Variants in IGHMBP2 observed in about 807,000 individuals in gnomAD.
IGHMBP2 encodes DNA-binding protein SMUBP-2.
Under a neutral mutation model 96.0 loss-of-function variants are expected in IGHMBP2, and 81 were observed. That is an observed-to-expected ratio of 0.84 (90% CI 0.71 to 1.01). The LOEUF is 1.01. Ranked by LOEUF, IGHMBP2 falls within the 50% of genes least tolerant of loss-of-function variation. The probability of loss-of-function intolerance (pLI) is 0.00; values close to 1 mark genes in which losing one functional copy is unlikely to be tolerated. For synonymous variants in IGHMBP2, 557 were observed against 548.9 expected, an observed-to-expected ratio of 1.01 and a Z score of -0.21; for missense variants, 1,227 against 1,306.3, an observed-to-expected ratio of 0.94 and a Z score of 0.94.
rs139926138 is a variant in IGHMBP2, at chr11:68,939,542, C to T, written c.2793C>T (p.Gly931=). Residue 931 remains glycine, a synonymous_variant, in exon 15 of 15, where the codon GGC becomes GGT. Coordinates refer to ENST00000255078, the MANE Select transcript of IGHMBP2 (RefSeq NM_002180.3). ...TCTTGTGTCCTCCCCAGATCCATGG[C>T]TGCGGTGAGAGGGCTCGCGCCCATG... ...CLSHHLPEIH[G]CGERARAHAR... 1,210 of 1,612,036 alleles carry T rather than the reference C, an allele frequency of 7.5e-4. 18 individuals carry two copies. Among genetic ancestry groups the T allele is most frequent in the Admixed American group, 1.2e-3 (71 of 60,032 alleles).
chr11:68,912,225 G>A (rs1459066813), intron 5 of IGHMBP2, among the ~76,000 whole-genome samples: 10 of 152,114 alleles, frequency 6.6e-5, no homozygotes, highest in African/African-American at 9.7e-5. Flanking sequence ...TCCGCCTCCC[G>A]GGTTTAAGTG....
chr11:68,934,824 G>A (rs899356572), intron 11 of IGHMBP2, among the ~76,000 whole-genome samples: 2 of 152,218 alleles, frequency 1.3e-5, no homozygotes, highest in African/African-American at 4.8e-5. Flanking sequence ...GGGTGACCCC[G>A]GCAGCCTCAG....
chr11:68,932,683 T>TAGATCTCG, intron 8 of IGHMBP2: 2 of 160,060 alleles, frequency 1.2e-5, no homozygotes, highest in East Asian at 1.8e-4. Context: ...TGTTGGAGTG[T>TAGATCTCG]GTTCGTTCCC....
At chr11:68,929,709 C>T in intron 8 of IGHMBP2, 4 of 984,774 alleles carry the variant, frequency 4.1e-6, no homozygotes, top group Non-Finnish European at 4.8e-6. Context: ...GCTAACTGGC[C>T]TCTGGGTGGA....
rs757425203 is a variant in IGHMBP2, at chr11:68,934,472, C to T, written c.1546C>T (p.Arg516Cys). ...EQSKGNPGEV[R>C]LVSLHIQALV... ...TCTTTCTTTCCCTCCAGGCGAAGTC[C>T]GCCTCGTCAGTTTGCACATCCAGGC... The change falls in exon 11 of 15, where the codon CGC becomes TGC. Residue 516 changes from arginine (R) to cysteine (C), a missense_variant. Physicochemically the swap from Arg to Cys is radical, Grantham distance 180. Around this residue, in one of 3 missense-constraint regions of IGHMBP2, gnomAD observed 703 missense variants for 770.3 expected, o/e 0.91. Transcript: ENST00000255078. The T allele has an allele frequency of 5.2e-5, 84 of 1,608,382 alleles. No individual in the cohort carries two copies. The highest frequency in any genetic ancestry group is 6.3e-5 in the Non-Finnish European group (74 of 1,177,250).
At chr11:68,909,199 G>C (rs1173466120) in intron 4 of IGHMBP2, among the ~76,000 whole-genome samples, 1 of 125,802 alleles carries the variant, frequency 7.9e-6, no homozygotes, top group African/African-American at 2.9e-5. Flanking sequence ...GGGGGGGGGC[G>C]GATGGAGTCT....
intron 8 of IGHMBP2, 57 bp downstream of exon 8, chr11:68,929,414 C>T: frequency 1.3e-6 from 2 of 1,527,746 alleles, no homozygotes; most frequent in Non-Finnish European, 1.8e-6. Context: ...GCGGTCCTTC[C>T]ACGCTCAGCC....
intron 13 of IGHMBP2, 50 bp from the exon 14 acceptor site, chr11:68,938,132 G>A: frequency 6.3e-7 from 1 of 1,596,590 alleles, no homozygotes; most frequent in Non-Finnish European, 8.6e-7. Context: ...CTTAAATGAG[G>A]GGCCAGGTGT....
At chr11:68,917,024 A>G (rs1326308443) in intron 6 of IGHMBP2, among the ~76,000 whole-genome samples, 5 of 123,162 alleles carry the variant, frequency 4.1e-5, no homozygotes, top group African/African-American at 6.5e-5. Context: ...TCTGTCGCCC[A>G]GGCTGGAGTG....
intron 7 of IGHMBP2, among the ~76,000 whole-genome samples, chr11:68,925,010 T>A (rs1472512271): frequency 6.6e-6 from 1 of 152,188 alleles, no homozygotes; most frequent in African/African-American, 2.4e-5. Context: ...GCATATTTTA[T>A]GTGTGGCCCA....
At chr11:68,936,131 G>A (rs1012027450) in intron 12 of IGHMBP2, 106 bp from the exon 13 acceptor site, 12 of 1,336,804 alleles carry the variant, frequency 9.0e-6, no homozygotes, top group East Asian at 6.9e-5. Context: ...GGTGGGCCAC[G>A]CGCAGGGGAC....
At chr11:68,928,732 G>GCCCC (rs1566439171) in intron 7 of IGHMBP2, among the ~76,000 whole-genome samples, 1 of 152,138 alleles carries the variant, frequency 6.6e-6, no homozygotes, top group African/African-American at 2.4e-5. Flanking sequence ...GTCCCAGGAA[G>GCCCC]GAAAAGCTGC....
chr11:68,906,833 G>A (rs368821474), intron 2 of IGHMBP2, among the ~76,000 whole-genome samples: 1 of 151,624 alleles, frequency 6.6e-6, no homozygotes, highest in Non-Finnish European at 1.5e-5. Flanking sequence ...GTAGAGACGG[G>A]GTTTCTCCAT....
At chr11:68,910,951 C>T (rs1858406617) in intron 4 of IGHMBP2, among the ~76,000 whole-genome samples, 1 of 151,484 alleles carries the variant, frequency 6.6e-6, no homozygotes, top group Non-Finnish European at 1.5e-5. Flanking sequence ...AAACACGATC[C>T]TAGAATTTGT....
At chr11:68,920,055 A>C (rs191038922) in intron 7 of IGHMBP2, among the ~76,000 whole-genome samples, 1 of 152,164 alleles carries the variant, frequency 6.6e-6, no homozygotes, top group African/African-American at 2.4e-5. Context: ...TTGAACAGCA[A>C]TTCCCTTTTT....
intron 2 of IGHMBP2, 28 bp downstream of exon 2, chr11:68,906,266 T>C (rs1858192257): frequency 1.2e-6 from 2 of 1,612,462 alleles, no homozygotes; most frequent in Admixed American, 3.3e-5. Context: ...TAGACAGACA[T>C]TGAAATTTAC....
At chr11:68,938,053 C>T in intron 13 of IGHMBP2, 129 bp from the exon 14 acceptor site, 1 of 1,035,726 alleles carries the variant, frequency 9.7e-7, no homozygotes. Flanking sequence ...GTCCTCCTAC[C>T]TCAGCCTCCC....
chr11:68,934,383 A>G, intron 10 of IGHMBP2, 81 bp from the exon 11 acceptor site: 1 of 961,648 alleles, frequency 1.0e-6, no homozygotes, highest in Non-Finnish European at 1.6e-6. Context: ...ATAGACAGAA[A>G]CGTGCCCGAA....
intron 7 of IGHMBP2, among the ~76,000 whole-genome samples, chr11:68,924,894 G>A (rs1181746072): frequency 6.6e-6 from 1 of 152,102 alleles, no homozygotes. Flanking sequence ...TGTAGCCCAG[G>A]ATACTTTGAA....
Sources: allele counts gnomAD v4.1 joint callset (sites outside exome capture counted in the v4.1 genomes callset), GRCh38; gene constraint gnomAD v4.1.1; regional missense constraint gnomAD v4.1.1; transcripts MANE v1.5; gene names NCBI Gene and HGNC (gene_info 2026-07-23, HGNC 2026-07-21).